The following GABRB1 variants were observed in gnomAD, a reference collection of about 807,000 sequenced individuals.
GABRB1 encodes the protein gamma-aminobutyric acid type A receptor subunit beta1, also known as gamma-aminobutyric acid receptor subunit beta-1.
In GABRB1, 17 loss-of-function variants were observed where a neutral mutation model predicts 51.6. The observed-to-expected ratio is 0.33, with a 90% confidence interval of 0.23 to 0.49. The LOEUF is 0.49. GABRB1 is among the 20% of genes least tolerant of loss of function. The probability of loss-of-function intolerance (pLI) is 0.99; values close to 1 mark genes in which losing one functional copy is unlikely to be tolerated. For missense variants in GABRB1, 410 were observed against 600.6 expected (o/e 0.68, Z 3.32); for synonymous variants, 247 against 218.9 (o/e 1.13, Z -1.14).
At chr4:47,252,946 T>G (rs1422411562) in intron 4 of GABRB1, among the ~76,000 whole-genome samples, 1 of 152,222 alleles carries the variant, frequency 6.6e-6, no homozygotes, top group Non-Finnish European at 1.5e-5. Flanking sequence ...AGAAAACTTT[T>G]TATAGTACTT....
chr4:47,358,409 AGAGAGAGAGT>A (rs1416433827), intron 5 of GABRB1, among the ~76,000 whole-genome samples: 1 of 151,730 alleles, frequency 6.6e-6, no homozygotes, highest in African/African-American at 2.4e-5. Context: ...ATATATAGAG[AGAGAGAGAGT>A]GAGAGAGAGA....
At chr4:47,013,003 T>C (rs1724625632) in intron 1 of GABRB1, among the ~76,000 whole-genome samples, 1 of 152,208 alleles carries the variant, frequency 6.6e-6, no homozygotes, top group Admixed American at 6.5e-5. Flanking sequence ...TTTTCCATTG[T>C]ATGAGTACAC....
At chr4:47,196,718 G>T (rs1423518008) in intron 4 of GABRB1, among the ~76,000 whole-genome samples, 1 of 152,200 alleles carries the variant, frequency 6.6e-6, no homozygotes, top group Non-Finnish European at 1.5e-5. Flanking sequence ...CAAAGTCTGG[G>T]TATTGGTATT....
chr4:47,391,357 T>C (rs1727985375), intron 5 of GABRB1, among the ~76,000 whole-genome samples: 1 of 152,196 alleles, frequency 6.6e-6, no homozygotes, highest in Non-Finnish European at 1.5e-5. Flanking sequence ...AAAATCTCTA[T>C]TGATCAGTAG....
At chr4:47,314,132 G>A (rs561846235) in intron 4 of GABRB1, among the ~76,000 whole-genome samples, 12 of 152,050 alleles carry the variant, frequency 7.9e-5, no homozygotes, top group Non-Finnish European at 1.3e-4. Flanking sequence ...TAAATTGGCC[G>A]AGGTGATCGT....
chr4:47,128,335 A>G (rs1438992402), intron 3 of GABRB1, among the ~76,000 whole-genome samples: 3 of 151,932 alleles, frequency 2.0e-5, no homozygotes, highest in Admixed American at 2.0e-4. Context: ...TAAGCTTGGA[A>G]GAGAGAATTA....
chr4:47,017,544 A>G (rs945894521), intron 1 of GABRB1, among the ~76,000 whole-genome samples: 1 of 152,162 alleles, frequency 6.6e-6, no homozygotes, highest in Non-Finnish European at 1.5e-5. Flanking sequence ...AATAAGAAAC[A>G]CATTGGAAAC....
At chr4:47,189,599 A>T (rs1719344151) in intron 4 of GABRB1, among the ~76,000 whole-genome samples, 1 of 151,848 alleles carries the variant, frequency 6.6e-6, no homozygotes, top group Non-Finnish European at 1.5e-5. Flanking sequence ...TGAGGGCAGG[A>T]TTGAGTCCCT....
At chr4:47,265,688 A>T (rs750437777) in intron 4 of GABRB1, among the ~76,000 whole-genome samples, 2 of 152,052 alleles carry the variant, frequency 1.3e-5, no homozygotes, top group Non-Finnish European at 2.9e-5. Context: ...TTCTCTGAGG[A>T]TTAGTGATGT....
chr4:47,210,046 G>A (rs1442106), intron 4 of GABRB1, among the ~76,000 whole-genome samples: 130,643 of 151,856 alleles, frequency 0.86, 56,207 homozygotes, highest in Middle Eastern at 0.92. Context: ...CTGGTTCACT[G>A]CTTATTCCAG....
At chr4:47,321,144 A>T (rs1194305534) in intron 5 of GABRB1, among the ~76,000 whole-genome samples, 1 of 152,244 alleles carries the variant, frequency 6.6e-6, no homozygotes, top group African/African-American at 2.4e-5. Context: ...GTGCAAAAAA[A>T]TGCAGTAGCT....
chr4:47,320,777 T>G (rs1725055394), intron 5 of GABRB1, among the ~76,000 whole-genome samples: 1 of 147,224 alleles, frequency 6.8e-6, no homozygotes. Flanking sequence ...TTTCTTTTTT[T>G]TTTTTTTTTT....
intron 4 of GABRB1, among the ~76,000 whole-genome samples, chr4:47,205,127 C>T (rs1720061883): frequency 6.6e-6 from 1 of 152,090 alleles, no homozygotes; most frequent in African/African-American, 2.4e-5. Context: ...ATCCATGTGG[C>T]AACAGTAATA....
intron 4 of GABRB1, among the ~76,000 whole-genome samples, chr4:47,166,876 C>A (rs1054332633): frequency 3.3e-5 from 5 of 152,226 alleles, no homozygotes; most frequent in African/African-American, 1.2e-4. Flanking sequence ...CCCTCAAATT[C>A]CACTTTCTCC....
chr4:47,022,653 A>C (rs1724961591), intron 1 of GABRB1, among the ~76,000 whole-genome samples: 1 of 152,016 alleles, frequency 6.6e-6, no homozygotes, highest in South Asian at 2.1e-4. Flanking sequence ...GGCAATAACA[A>C]ACGCTGATAA....
At chr4:47,101,098 G>A (rs971354) in intron 3 of GABRB1, among the ~76,000 whole-genome samples, 116,465 of 151,880 alleles carry the variant, frequency 0.77, 44,863 homozygotes, top group Middle Eastern at 0.82. Context: ...GAAGTTTTAC[G>A]TGGGCTCATC....
At chr4:47,275,721 T>C (rs1560309712) in intron 4 of GABRB1, among the ~76,000 whole-genome samples, 1 of 152,162 alleles carries the variant, frequency 6.6e-6, no homozygotes, top group Non-Finnish European at 1.5e-5. Flanking sequence ...CATTCATTTT[T>C]GTTGTGCAAA....
At chr4:47,292,817 G>A (rs1168275287) in intron 4 of GABRB1, among the ~76,000 whole-genome samples, 1 of 152,208 alleles carries the variant, frequency 6.6e-6, no homozygotes, top group Non-Finnish European at 1.5e-5. Context: ...GTAAGAGACA[G>A]AGGAAGTGAG....
intron 3 of GABRB1, among the ~76,000 whole-genome samples, chr4:47,144,905 A>G (rs1717092973): frequency 1.3e-5 from 2 of 151,942 alleles, no homozygotes; most frequent in Non-Finnish European, 2.9e-5. Flanking sequence ...CACGCATGCC[A>G]AGCCGAATGT....
Sources: allele counts gnomAD v4.1 joint callset (sites outside exome capture counted in the v4.1 genomes callset), GRCh38; gene constraint gnomAD v4.1.1; transcripts MANE v1.5; gene names NCBI Gene and HGNC (gene_info 2026-07-23, HGNC 2026-07-21).